The following NEB variants were observed in gnomAD, a reference collection of about 807,000 sequenced individuals.
NEB encodes nemaline myopathy type 2.
In NEB, 512 loss-of-function variants were observed where a neutral mutation model predicts 952.2. The ratio of observed to expected loss-of-function variants is 0.54; its 90% CI spans 0.50 to 0.58. NEB has a LOEUF of 0.58. Ranked by LOEUF, NEB falls within the 20% of genes least tolerant of loss-of-function variation. The probability of loss-of-function intolerance (pLI) is 0.00; values close to 1 mark genes in which losing one functional copy is unlikely to be tolerated. For missense variants in NEB, 8,428 were observed against 9,231.1 expected, an observed-to-expected ratio of 0.91 and a Z score of 3.56; for synonymous variants, 2,900 against 3,149.8, an observed-to-expected ratio of 0.92 and a Z score of 2.66.
At chr2:151,655,093 A>G (rs1174819044) in intron 51 of NEB, among the ~76,000 whole-genome samples, 177 bp downstream of exon 51, 2 of 152,202 alleles carry the variant, frequency 1.3e-5, no homozygotes, top group Non-Finnish European at 2.9e-5. Context: ...CAAAGCATAC[A>G]GTTGTGGCTG....
At chr2:151,568,516 A>C in intron 111 of NEB, 99 bp from the exon 112 acceptor site, 1 of 1,449,192 alleles carries the variant, frequency 6.9e-7, no homozygotes, top group Non-Finnish European at 9.6e-7. Context: ...CAATGATTAA[A>C]ATCTGTATTT....
Position 151,567,277 on chromosome 2 carries a change from T to G in NEB, c.18047A>C (p.Gln6016Pro). ...ATAATCAATATCACTGACAAGGGTCTGCCCCTGCTTGGCGGCCAAGACTGA... is the reference window on the plus strand; with the variant it reads ...ATAATCAATATCACTGACAAGGGTCGGCCCCTGCTTGGCGGCCAAGACTGA... ...MVSVLAAKQGQTLVSDIDYRN... is the reference protein window; with the variant it reads ...MVSVLAAKQGPTLVSDIDYRN... Residue 6016 changes from glutamine (Q) to proline (P), a missense_variant, in exon 114 of 182, where the codon CAG becomes CCG. Gln to Pro is a moderately conservative substitution (Grantham distance 76). This residue lies in a region of NEB where 3,374 missense variants were observed against 3,651.5 expected (regional missense o/e 0.92). Transcript: ENST00000397345. 1 of 1,613,950 alleles carries G rather than the reference T, an allele frequency of 6.2e-7. No individual in the cohort carries two copies. Among genetic ancestry groups the G allele is most frequent in the Non-Finnish European group, 8.5e-7 (1 of 1,179,846 alleles).
At chr2:151,558,236 G>A (rs1401667066) in intron 124 of NEB, among the ~76,000 whole-genome samples, 1 of 152,084 alleles carries the variant, frequency 6.6e-6, no homozygotes, top group African/African-American at 2.4e-5. Context: ...AAAACAGAGA[G>A]CCAAATCATG....
At chr2:151,605,541 C>T (rs2097668795) in intron 84 of NEB, among the ~76,000 whole-genome samples, 2 of 122,576 alleles carry the variant, frequency 1.6e-5, no homozygotes, top group East Asian at 5.0e-4. Flanking sequence ...TGATGAGTGT[C>T]TCAGGACTAG....
chr2:151,615,961 A>G (rs781003349), intron 76 of NEB, 41 bp downstream of exon 76: 2 of 1,445,136 alleles, frequency 1.4e-6, no homozygotes, highest in Non-Finnish European at 1.9e-6. Flanking sequence ...ATTTGTCAAC[A>G]TCTTTGAATA....
In NEB at chr2:151,707,807, C is replaced by G. The variant is rs564357294; in HGVS notation, c.1036-810G>C. ...CCACTTATGAACTCAGAAAACAAGG[C>G]AATCAGCTTGGTATCCAAAGGCAAG... On this transcript the variant is annotated intron_variant, in intron 12 of 181. Transcript: ENST00000397345. 2.1e-3 allele frequency among the ~76,000 whole-genome samples: 324 copies of G among 152,192 alleles called. 1 individual carries two copies. The highest frequency in any genetic ancestry group is 7.7e-3 in the African/African-American group (318 of 41,520).
chr2:151,673,732 CTT>C (rs10716811), intron 36 of NEB, among the ~76,000 whole-genome samples: 85 of 92,828 alleles, frequency 9.2e-4, no homozygotes, highest in South Asian at 2.1e-3. Context: ...TTTTCTTTTT[CTT>C]TTTTTTTTTT....
chr2:151,726,408 C>T (rs1420952870), intron 5 of NEB, among the ~76,000 whole-genome samples: 2 of 152,194 alleles, frequency 1.3e-5, no homozygotes, highest in African/African-American at 2.4e-5. Context: ...GAGCTGCTAT[C>T]ATTTAATGAA....
At chr2:151,490,890 C>T (rs1050597983) in intron 179 of NEB, among the ~76,000 whole-genome samples, 4 of 152,230 alleles carry the variant, frequency 2.6e-5, no homozygotes, top group Non-Finnish European at 5.9e-5. Context: ...AACTGCAAAT[C>T]AATTTAGAGT....
intron 45 of NEB, among the ~76,000 whole-genome samples, chr2:151,663,142 G>A (rs1410185324): frequency 6.6e-6 from 1 of 152,196 alleles, no homozygotes; most frequent in Non-Finnish European, 1.5e-5. Context: ...AAAGTTAGAA[G>A]TGGTAGAATG....
chr2:151,614,140 A>T, intron 77 of NEB, 136 bp downstream of exon 77: 1 of 1,031,336 alleles, frequency 9.7e-7, no homozygotes, highest in Non-Finnish European at 1.4e-6. Flanking sequence ...CTAAATACAT[A>T]CTTTATTTTG....
Position 151,723,158 on chromosome 2 carries a change from C to T in NEB, c.717+224G>A, listed in dbSNP as rs1000205790. Among the ~76,000 whole-genome samples, 5 of 152,010 alleles carry T rather than the reference C, an allele frequency of 3.3e-5. No homozygotes were observed. In the East Asian group the frequency reaches 9.6e-4, roughly 29 times the overall value. Reference sequence around the variant, plus strand: ...TGTGACCCCAGATTCAGGTTTGCCACCTATAAGAAGAGGGAACTGGACAAG... The same window carrying T: ...TGTGACCCCAGATTCAGGTTTGCCATCTATAAGAAGAGGGAACTGGACAAG... On this transcript the variant is annotated intron_variant, in intron 9 of 181. Coordinates refer to ENST00000397345, the MANE Select transcript of NEB (RefSeq NM_001164508.2).
At chr2:151,674,834 C>A (rs575426263) in intron 35 of NEB, among the ~76,000 whole-genome samples, 1 of 152,226 alleles carries the variant, frequency 6.6e-6, no homozygotes, top group East Asian at 1.9e-4. Context: ...CAGAGAAAAA[C>A]AAATAAAGGT....
intron 24 of NEB, 148 bp downstream of exon 24, chr2:151,690,579 C>A (rs1463357414): frequency 9.1e-6 from 6 of 662,260 alleles, no homozygotes; most frequent in South Asian, 1.7e-5. Context: ...AATCTAGCAG[C>A]CTCATTTGTG....
intron 129 of NEB, 117 bp from the exon 130 acceptor site, chr2:151,549,857 G>GCT: frequency 1.6e-6 from 1 of 639,298 alleles, no homozygotes; most frequent in East Asian, 2.7e-5. Flanking sequence ...ATACACTTAT[G>GCT]CTCACTGAAT....
intron 133 of NEB, 108 bp from the exon 134 acceptor site, chr2:151,546,551 C>T: frequency 2.0e-6 from 1 of 509,968 alleles, no homozygotes; most frequent in Non-Finnish European, 3.3e-6. Context: ...CATTTTGGTT[C>T]ATCTACTTTT....
intron 54 of NEB, among the ~76,000 whole-genome samples, chr2:151,648,918 C>T (rs375674948): frequency 2.0e-5 from 3 of 152,238 alleles, no homozygotes; most frequent in African/African-American, 4.8e-5. Flanking sequence ...CCCAGCTGGC[C>T]CGGGTTTTGT....
chr2:151,608,864 T>C (rs1253973085), intron 81 of NEB, among the ~76,000 whole-genome samples, 188 bp from the exon 82 acceptor site: 2 of 88,288 alleles, frequency 2.3e-5, no homozygotes, highest in African/African-American at 4.2e-5. Context: ...GACTGTGCCA[T>C]TGCACTCCAG....
chr2:151,567,869 C>T (rs147188964), intron 113 of NEB, among the ~76,000 whole-genome samples: 11 of 151,010 alleles, frequency 7.3e-5, no homozygotes, highest in Middle Eastern at 3.4e-3. Flanking sequence ...GGGTGGTGGG[C>T]GGGTGAAGAA....
Sources: allele counts gnomAD v4.1 joint callset (sites outside exome capture counted in the v4.1 genomes callset), GRCh38; gene constraint gnomAD v4.1.1; regional missense constraint gnomAD v4.1.1; transcripts MANE v1.5; gene names NCBI Gene and HGNC (gene_info 2026-07-23, HGNC 2026-07-21).